GPR39: variants seen among roughly 807,000 people sequenced by gnomAD.
GPR39 encodes zinc sensing receptor.
GPR39 carries 23 observed loss-of-function variants against 18.4 expected under a neutral mutation model. The observed-to-expected ratio is 1.25, with a 90% CI of 0.90 to 1.77. The LOEUF is 1.77. GPR39 is among the 40% of genes most tolerant of loss of function. The probability of loss-of-function intolerance (pLI) is 0.00; values close to 1 mark genes in which losing one functional copy is unlikely to be tolerated. For synonymous variants in GPR39, 280 were observed against 257.9 expected (o/e 1.09, Z -0.82); for missense variants, 647 against 602.4 (o/e 1.07, Z -0.78).
chr2:132,604,625 T>C (rs1312996201), intron 1 of GPR39: 1 of 152,208 alleles, frequency 6.6e-6, no homozygotes, highest in African/African-American at 2.4e-5. Flanking sequence ...AGCAGAAGGA[T>C]AAGTGCTGCT....
At chr2:132,442,764 CT>C (rs113071888) in intron 1 of GPR39, among the ~76,000 whole-genome samples, 1 of 152,162 alleles carries the variant, frequency 6.6e-6, no homozygotes, top group Admixed American at 6.5e-5. Flanking sequence ...TTCCTTGCTG[CT>C]TTTTTTTCTT....
chr2:132,593,038 CT>C (rs1207948037), intron 1 of GPR39, among the ~76,000 whole-genome samples: 2 of 152,294 alleles, frequency 1.3e-5, no homozygotes, highest in East Asian at 3.9e-4. Context: ...AAGCGCTATA[CT>C]TAAGATTACA....
chr2:132,465,912 G>T (rs146254143), intron 1 of GPR39, among the ~76,000 whole-genome samples: 112 of 152,266 alleles, frequency 7.4e-4, no homozygotes, highest in African/African-American at 2.3e-3. Flanking sequence ...TTAAACTTGG[G>T]TGATGAAAAT....
intron 1 of GPR39, among the ~76,000 whole-genome samples, chr2:132,617,875 G>A (rs1250606346): frequency 1.3e-5 from 2 of 152,164 alleles, no homozygotes; most frequent in East Asian, 1.9e-4. Flanking sequence ...TAGAAGTAAT[G>A]AGAAGGAGAT....
At chr2:132,448,736 A>G (rs950913403) in intron 1 of GPR39, among the ~76,000 whole-genome samples, 2 of 152,220 alleles carry the variant, frequency 1.3e-5, no homozygotes. Context: ...ATTGGGTCAG[A>G]AAACTGCAAT....
chr2:132,540,219 A>T (rs1404885623), intron 1 of GPR39, among the ~76,000 whole-genome samples: 2 of 151,234 alleles, frequency 1.3e-5, no homozygotes, highest in Non-Finnish European at 2.9e-5. Context: ...AAAATATAAA[A>T]CTTAAAATTG....
chr2:132,634,144 T>C (rs1681705604), intron 1 of GPR39, among the ~76,000 whole-genome samples: 1 of 151,780 alleles, frequency 6.6e-6, no homozygotes, highest in South Asian at 2.1e-4. Flanking sequence ...GGTATGGTGA[T>C]AGAGGTGGAG....
chr2:132,621,647 G>A (rs1681444772), intron 1 of GPR39, among the ~76,000 whole-genome samples: 1 of 152,256 alleles, frequency 6.6e-6, no homozygotes, highest in African/African-American at 2.4e-5. Context: ...CAGCTGGGGT[G>A]CCACAGAAGG....
intron 1 of GPR39, among the ~76,000 whole-genome samples, chr2:132,432,969 A>T (rs1283789291): frequency 6.6e-6 from 1 of 152,222 alleles, no homozygotes; most frequent in Non-Finnish European, 1.5e-5. Flanking sequence ...AACAACATGG[A>T]TTTGAACTAC....
rs142512076 is a variant in GPR39 at position 132,587,577 on chromosome 2, G to A, written c.857-57524G>A. ...GATGGAGTCTTGCTCTATCGGCCAGGCTGGAATGCGGTAGTGCGATCTCAG... is the reference window on the plus strand; with the variant it reads ...GATGGAGTCTTGCTCTATCGGCCAGACTGGAATGCGGTAGTGCGATCTCAG... On this transcript the variant is annotated intron_variant, in intron 1 of 1. Coordinates refer to ENST00000329321, the MANE Select transcript of GPR39 (RefSeq NM_001508.3). Among the ~76,000 whole-genome samples, 790 of 152,232 alleles carry A rather than the reference G, an allele frequency of 5.2e-3. 7 individuals carry two copies. The highest frequency in any genetic ancestry group is 0.01 in the Middle Eastern group (3 of 294).
chr2:132,577,654 C>T (rs1007824451), intron 1 of GPR39, among the ~76,000 whole-genome samples: 1 of 152,068 alleles, frequency 6.6e-6, no homozygotes, highest in African/African-American at 2.4e-5. Context: ...CTGTAAGTGG[C>T]ATTGTCTTTT....
intron 1 of GPR39, among the ~76,000 whole-genome samples, chr2:132,508,376 C>T (rs1366661654): frequency 6.6e-6 from 1 of 152,128 alleles, no homozygotes; most frequent in Non-Finnish European, 1.5e-5. Flanking sequence ...ACACTAAGCT[C>T]CACAGTAAGG....
intron 1 of GPR39, among the ~76,000 whole-genome samples, chr2:132,469,872 GC>G (rs1342644791): frequency 6.6e-6 from 1 of 152,216 alleles, no homozygotes; most frequent in African/African-American, 2.4e-5. Flanking sequence ...AGGCTGCTGT[GC>G]CCGAAGTTCT....
intron 1 of GPR39, among the ~76,000 whole-genome samples, chr2:132,463,985 G>A (rs1222619873): frequency 6.6e-6 from 1 of 152,196 alleles, no homozygotes; most frequent in Non-Finnish European, 1.5e-5. Context: ...CCAAGATGAT[G>A]AAGGCAGAAA....
chr2:132,477,323 A>G (rs1216692924), intron 1 of GPR39, among the ~76,000 whole-genome samples: 1 of 152,166 alleles, frequency 6.6e-6, no homozygotes, highest in Admixed American at 6.5e-5. Flanking sequence ...CAGGTGGAGC[A>G]TTCAGAGGCG....
At chr2:132,420,901 G>A (rs1679996299) in intron 1 of GPR39, among the ~76,000 whole-genome samples, 1 of 152,198 alleles carries the variant, frequency 6.6e-6, no homozygotes, top group African/African-American at 2.4e-5. Flanking sequence ...GCAATTTACA[G>A]GAGAACACAA....
intron 1 of GPR39, among the ~76,000 whole-genome samples, chr2:132,447,434 C>T (rs576725274): frequency 1.3e-5 from 2 of 152,326 alleles, no homozygotes; most frequent in East Asian, 3.9e-4. Context: ...ATGTATTTTC[C>T]TTCATTCTTA....
At chr2:132,597,277 C>T (rs183817329) in intron 1 of GPR39, among the ~76,000 whole-genome samples, 193 of 152,318 alleles carry the variant, frequency 1.3e-3, no homozygotes, top group Non-Finnish European at 2.5e-3. Flanking sequence ...CATTGGCTTC[C>T]AGAACATCAG....
chr2:132,468,608 T>C (rs563027161), intron 1 of GPR39, among the ~76,000 whole-genome samples: 11 of 152,292 alleles, frequency 7.2e-5, no homozygotes, highest in Admixed American at 3.3e-4. Flanking sequence ...TTGGGCCCTA[T>C]ACTTTGGGTC....
Sources: gnomAD v4.1 joint callset for allele counts (sites outside exome capture counted in the v4.1 genomes callset) on GRCh38, gnomAD v4.1.1 for gene constraint, MANE v1.5 for transcripts, NCBI Gene and HGNC (gene_info 2026-07-23, HGNC 2026-07-21) for gene names.